Variants in PLEKHM3 observed in about 807,000 individuals in gnomAD.
PLEKHM3 encodes pleckstrin homology domain-containing family M member 3.
A neutral mutation model predicts 81.8 loss-of-function variants in PLEKHM3; 45 were observed. The ratio of observed to expected loss-of-function variants is 0.55; its 90% CI spans 0.43 to 0.71. The LOEUF is 0.71. Ranked by LOEUF, PLEKHM3 falls within the 30% of genes least tolerant of loss-of-function variation. The probability of loss-of-function intolerance (pLI) is 0.00; values close to 1 mark genes in which losing one functional copy is unlikely to be tolerated. For missense variants in PLEKHM3, 788 were observed against 924.3 expected (o/e 0.85, Z 1.91); for synonymous variants, 352 against 356.4 (o/e 0.99, Z 0.14).
At chr2:207,834,297 A>ATT (rs2092305358) in intron 7 of PLEKHM3, among the ~76,000 whole-genome samples, 1 of 151,596 alleles carries the variant, frequency 6.6e-6, no homozygotes, top group Admixed American at 6.6e-5. Context: ...AGCCTGGCTA[A>ATT]TTTTGTATTT....
intron 7 of PLEKHM3, chr2:207,852,920 C>A: frequency 4.9e-6 from 2 of 404,138 alleles, no homozygotes; most frequent in South Asian, 3.7e-5. Flanking sequence ...AACTGTGGAA[C>A]TTCTTTCTCA....
chr2:207,998,990 T>C (rs1692206486), intron 2 of PLEKHM3, among the ~76,000 whole-genome samples: 1 of 151,978 alleles, frequency 6.6e-6, no homozygotes, highest in Admixed American at 6.6e-5. Context: ...TGTCCTTTAA[T>C]ATCTTTTTTT....
chr2:207,826,507 T>C lies in PLEKHM3; in HGVS notation c.*1812A>G, dbSNP rs1337153992. On this transcript the variant is annotated 3_prime_UTR_variant, in exon 8 of 8. Transcript: ENST00000427836. ...CAAGTTTTCAAGCCTTGGTTGCGGCTACTGTATAGTCAGAAAATAAATGCA... is the reference window on the plus strand; with the variant it reads ...CAAGTTTTCAAGCCTTGGTTGCGGCCACTGTATAGTCAGAAAATAAATGCA... The C allele has an allele frequency of 6.6e-6, 1 of 152,230 alleles. No homozygotes were observed. Among genetic ancestry groups the C allele is most frequent in the Admixed American group, 6.5e-5 (1 of 15,278 alleles). The allele number at this position is 152,230 out of a possible 1,614,324, so 9.4% of individuals were successfully genotyped here. A position where few individuals can be genotyped will look rare whatever the true frequency, so the allele number is the denominator to read the frequency against.
intron 6 of PLEKHM3, among the ~76,000 whole-genome samples, chr2:207,893,715 T>G (rs2105876028): frequency 6.6e-6 from 1 of 152,208 alleles, no homozygotes; most frequent in East Asian, 1.9e-4. Context: ...CAAAAGTCCT[T>G]TTTGGAATCA....
chr2:207,865,801 A>AAAAAAATATATATATATAT, intron 6 of PLEKHM3, among the ~76,000 whole-genome samples: 2 of 25,300 alleles, frequency 7.9e-5, no homozygotes, highest in African/African-American at 2.1e-4. Flanking sequence ...AAAAAAAAAA[A>AAAAAAATATATATATATAT]AGATATATAT....
intron 6 of PLEKHM3, among the ~76,000 whole-genome samples, chr2:207,866,178 T>A (rs1004347914): frequency 6.6e-6 from 1 of 152,084 alleles, no homozygotes; most frequent in African/African-American, 2.4e-5. Flanking sequence ...ATTTTTGAGA[T>A]GGAGTCTTGC....
Position 207,931,065 on chromosome 2 carries a change from C to T in PLEKHM3, c.1747G>A (p.Asp583Asn), listed in dbSNP as rs926537538. The change falls in exon 5 of 8, where the codon GAC becomes AAC. Residue 583 changes from aspartate to asparagine, a missense_variant. Physicochemically the swap from Asp to Asn is conservative, Grantham distance 23. Coordinates refer to ENST00000427836, the MANE Select transcript of PLEKHM3 (RefSeq NM_001080475.3). Reference sequence around the variant, plus strand: ...AGCATGGCGTTCTCCTGCTGGATGTCGATGAGCGGCTCTTCGTACACGTAC... The same window carrying T: ...AGCATGGCGTTCTCCTGCTGGATGTTGATGAGCGGCTCTTCGTACACGTAC... ...LEYVYEEPLI[D>N]IQQENAMLYH... 1.2e-6 allele frequency: 2 copies of T among 1,613,914 alleles called. No homozygotes were observed. The highest frequency in any genetic ancestry group is 8.5e-7 in the Non-Finnish European group (1 of 1,179,932).
chr2:207,875,623 T>C (rs1297310752), intron 6 of PLEKHM3, among the ~76,000 whole-genome samples: 2 of 152,086 alleles, frequency 1.3e-5, no homozygotes, highest in Non-Finnish European at 2.9e-5. Flanking sequence ...GCAGTATAGG[T>C]CCTCAAAGAG....
intron 6 of PLEKHM3, among the ~76,000 whole-genome samples, chr2:207,874,789 A>G (rs1223620115): frequency 6.6e-6 from 1 of 151,498 alleles, no homozygotes; most frequent in Non-Finnish European, 1.5e-5. Context: ...ATGGGGTTTC[A>G]CCATATTGGC....
intron 1 of PLEKHM3, among the ~76,000 whole-genome samples, chr2:208,007,535 G>C (rs1300815372): frequency 6.6e-6 from 1 of 152,186 alleles, no homozygotes; most frequent in Non-Finnish European, 1.5e-5. Flanking sequence ...ATTTTCATAG[G>C]TTTGAAGCAA....
chr2:207,937,305 C>T (rs1689788489), intron 4 of PLEKHM3, among the ~76,000 whole-genome samples: 1 of 152,300 alleles, frequency 6.6e-6, no homozygotes, highest in East Asian at 1.9e-4. Context: ...GTGGCTCACG[C>T]CTATAATCCC....
intron 7 of PLEKHM3, among the ~76,000 whole-genome samples, chr2:207,857,726 C>T (rs749231556): frequency 2.0e-5 from 3 of 151,838 alleles, no homozygotes; most frequent in Non-Finnish European, 4.4e-5. Flanking sequence ...CAATTTGTAT[C>T]TTCTCTTTTA....
chr2:207,869,747 G>C (rs986083080), intron 6 of PLEKHM3: 4 of 152,100 alleles, frequency 2.6e-5, no homozygotes, highest in African/African-American at 9.7e-5. Context: ...TAGAACTCAA[G>C]GAACTGCCAA....
At chr2:207,928,081 C>A (rs1039598864) in intron 5 of PLEKHM3, among the ~76,000 whole-genome samples, 8 of 152,144 alleles carry the variant, frequency 5.3e-5, no homozygotes, top group Non-Finnish European at 1.0e-4. Flanking sequence ...TTGTTACTAG[C>A]ACACTTTTCT....
rs919628519 is a variant in PLEKHM3, at chr2:207,826,537, T to C, written c.*1782A>G. 6.6e-6 allele frequency: 1 copy of C among 152,184 alleles called. No individual in the cohort carries two copies. Among genetic ancestry groups the C allele is most frequent in the African/African-American group, 2.4e-5 (1 of 41,444 alleles). The allele number at this position is 152,184 out of a possible 1,614,324, so 9.4% of individuals were successfully genotyped here. Reference sequence around the variant, plus strand: ...TATAGTCAGAAAATAAATGCATGTATGGTGTTGAGCTATTAAGGTGAAATG... The same window carrying C: ...TATAGTCAGAAAATAAATGCATGTACGGTGTTGAGCTATTAAGGTGAAATG... On this transcript the variant is annotated 3_prime_UTR_variant, in exon 8 of 8. Coordinates refer to ENST00000427836, the MANE Select transcript of PLEKHM3 (RefSeq NM_001080475.3).
chr2:207,942,606 A>G (rs1279657789), intron 4 of PLEKHM3, among the ~76,000 whole-genome samples: 3 of 152,192 alleles, frequency 2.0e-5, no homozygotes, highest in Non-Finnish European at 4.4e-5. Flanking sequence ...TGGAAATTAA[A>G]GTGAAATAAG....
intron 6 of PLEKHM3, among the ~76,000 whole-genome samples, chr2:207,861,995 G>T (rs2092470082): frequency 6.6e-6 from 1 of 152,118 alleles, no homozygotes; most frequent in South Asian, 2.1e-4. Flanking sequence ...TGAGATATCT[G>T]CTCTCTGCCT....
At chr2:207,962,370 C>G (rs1231641385) in intron 3 of PLEKHM3, among the ~76,000 whole-genome samples, 1 of 152,208 alleles carries the variant, frequency 6.6e-6, no homozygotes, top group Non-Finnish European at 1.5e-5. Flanking sequence ...GGTGATGCAG[C>G]CTGATTCCAC....
chr2:207,843,506 T>C lies in PLEKHM3; in HGVS notation c.2109-15010A>G, dbSNP rs1192718611. On this transcript the variant is annotated intron_variant, in intron 7 of 7. Transcript: ENST00000427836. This position sits in a 1 kb window ranked among gnomAD's most constrained non-coding sequence, Gnocchi z 4.4. ...AGGGAAAAGTCATTTTGCTTGCTGC[T>C]TTGACATTCACATCATTTCTGTCCC... 6.6e-6 allele frequency among the ~76,000 whole-genome samples: 1 copy of C among 152,208 alleles called. No homozygotes were observed. Among genetic ancestry groups the C allele is most frequent in the African/African-American group, 2.4e-5 (1 of 41,446 alleles).
Sources: allele counts gnomAD v4.1 joint callset (sites outside exome capture counted in the v4.1 genomes callset), GRCh38; gene constraint gnomAD v4.1.1; non-coding constraint Gnocchi (gnomAD v3.1); transcripts MANE v1.5; gene names NCBI Gene and HGNC (gene_info 2026-07-23, HGNC 2026-07-21).